PLGRKT: variants seen among roughly 807,000 people sequenced by gnomAD.
PLGRKT encodes plasminogen receptor with a C-terminal lysine.
A neutral mutation model predicts 18.5 loss-of-function variants in PLGRKT; 22 were observed. That is an observed-to-expected ratio of 1.19 (90% CI 0.85 to 1.70). The LOEUF (loss-of-function observed/expected upper bound fraction) is 1.70, where lower values mean the gene tolerates loss of function less well. Among genes scored for constraint, PLGRKT ranks in the 40% most tolerant of loss-of-function variants. The pLI, the probability that PLGRKT is intolerant of heterozygous loss-of-function variation, is 0.00. For missense variants in PLGRKT, 235 were observed against 174.4 expected (o/e 1.35, Z -1.96); for synonymous variants, 72 against 52.8 (o/e 1.36, Z -1.58).
Position 5,361,668 on chromosome 9 carries a change from G to A in PLGRKT, c.212+90C>T. 2.3e-6 allele frequency: 3 copies of A among 1,286,474 alleles called. No homozygotes were observed. The South Asian group carries it at 4.2e-5, about 18-fold the overall frequency. 79.7% of individuals were successfully genotyped at this position (1,286,474 alleles called of 1,614,324 possible). A position where few individuals can be genotyped will look rare whatever the true frequency, so the allele number is the denominator to read the frequency against. ...GGTTACATACACTATTTGGACCAAAGTCTTATTCTGGCCAACTTCATAATA... is the reference window on the plus strand; with the variant it reads ...GGTTACATACACTATTTGGACCAAAATCTTATTCTGGCCAACTTCATAATA... On this transcript the variant is annotated intron_variant, in intron 4 of 5. Transcript: ENST00000223864.
chr9:5,367,507 T>TA (rs1236109721), intron 3 of PLGRKT, among the ~76,000 whole-genome samples: 1 of 152,176 alleles, frequency 6.6e-6, no homozygotes, highest in Non-Finnish European at 1.5e-5. Flanking sequence ...CCCTATTTAA[T>TA]AAATGGTGCT....
At chr9:5,391,834 A>G (rs1034030011) in intron 3 of PLGRKT, among the ~76,000 whole-genome samples, 1 of 151,860 alleles carries the variant, frequency 6.6e-6, no homozygotes, top group Non-Finnish European at 1.5e-5. Context: ...GAATTAGGGG[A>G]AGGAATGTTG....
intron 3 of PLGRKT, among the ~76,000 whole-genome samples, chr9:5,429,378 T>C (rs2131173817): frequency 6.6e-6 from 1 of 152,286 alleles, no homozygotes; most frequent in East Asian, 1.9e-4. Context: ...CCTGTATTAG[T>C]TTGCTGGGGC....
intron 3 of PLGRKT, among the ~76,000 whole-genome samples, chr9:5,405,499 A>G (rs1818238676): frequency 6.6e-6 from 1 of 152,258 alleles, no homozygotes; most frequent in South Asian, 2.1e-4. Context: ...GACAAAAACA[A>G]GCAATGGGGA....
intron 3 of PLGRKT, among the ~76,000 whole-genome samples, chr9:5,385,625 G>A (rs1817828385): frequency 6.6e-6 from 1 of 151,746 alleles, no homozygotes; most frequent in Non-Finnish European, 1.5e-5. Flanking sequence ...GTGTTTTGGA[G>A]AAAGTAAGGA....
At chr9:5,361,400 G>A (rs1817261826) in intron 4 of PLGRKT, among the ~76,000 whole-genome samples, 1 of 152,136 alleles carries the variant, frequency 6.6e-6, no homozygotes, top group African/African-American at 2.4e-5. Flanking sequence ...TCTGTGACTT[G>A]CTCATCTTTA....
chr9:5,366,114 A>G (rs1031920176), intron 3 of PLGRKT, among the ~76,000 whole-genome samples: 2 of 152,184 alleles, frequency 1.3e-5, no homozygotes, highest in African/African-American at 4.8e-5. Flanking sequence ...TCATAGGTCT[A>G]TATCTGCACA....
At chr9:5,431,249 A>G (rs184944685) in intron 3 of PLGRKT, among the ~76,000 whole-genome samples, 1 of 152,156 alleles carries the variant, frequency 6.6e-6, no homozygotes, top group East Asian at 1.9e-4. Flanking sequence ...TCTTATAAAG[A>G]CCCTTGTGGG....
intron 3 of PLGRKT, among the ~76,000 whole-genome samples, chr9:5,365,761 A>T (rs968840): frequency 0.74 from 113,313 of 152,122 alleles, 43,135 homozygotes; most frequent in African/African-American, 0.91. Flanking sequence ...CAGGGCACAA[A>T]GAATGTAGGG....
intron 2 of PLGRKT, among the ~76,000 whole-genome samples, chr9:5,435,913 T>G (rs757623284): frequency 5.3e-4 from 80 of 152,342 alleles, no homozygotes; most frequent in Non-Finnish European, 9.4e-4. Flanking sequence ...CAAGCAAGAC[T>G]TCAGTGACTT....
chr9:5,389,318 T>C (rs769942938), intron 3 of PLGRKT, among the ~76,000 whole-genome samples: 10 of 151,922 alleles, frequency 6.6e-5, no homozygotes, highest in Non-Finnish European at 1.5e-4. Flanking sequence ...GTGCCTGGCA[T>C]GATTACAGAA....
In PLGRKT at chr9:5,418,976, T is replaced by A; in HGVS notation, c.81+12921A>T. On this transcript the variant is annotated intron_variant, in intron 3 of 5. Transcript: ENST00000223864. This position sits in a 1 kb window ranked among gnomAD's most constrained non-coding sequence, Gnocchi z 4.2. ...GCAGAGTCCTGGGACAGCGTCTCCA[T>A]GGTGGACCCTGAGCAGGAAGGGCAA... 1.5e-6 allele frequency: 1 copy of A among 667,992 alleles called. No individual in the cohort carries two copies. The highest frequency in any genetic ancestry group is 2.5e-6 in the Non-Finnish European group (1 of 402,884). The allele number at this position is 667,992 out of a possible 1,614,324, so 41.4% of individuals were successfully genotyped here.
intron 3 of PLGRKT, among the ~76,000 whole-genome samples, chr9:5,426,150 G>A (rs1387634334): frequency 6.6e-6 from 1 of 152,132 alleles, no homozygotes; most frequent in African/African-American, 2.4e-5. Context: ...GGGACATGAG[G>A]TCAATTCCAG....
At chr9:5,367,022 CACACACAT>C (rs768330677) in intron 3 of PLGRKT, among the ~76,000 whole-genome samples, 3,629 of 67,158 alleles carry the variant, frequency 0.054, 70 homozygotes, top group Non-Finnish European at 0.064. Flanking sequence ...CAGACAGATA[CACACACAT>C]ACACACACAC....
intron 3 of PLGRKT, among the ~76,000 whole-genome samples, chr9:5,365,524 C>T (rs1202945004): frequency 6.6e-6 from 1 of 152,088 alleles, no homozygotes; most frequent in Non-Finnish European, 1.5e-5. Flanking sequence ...TGCTTAGTTA[C>T]TTGCTCCCAA....
intron 3 of PLGRKT, among the ~76,000 whole-genome samples, chr9:5,363,946 A>G (rs1379205103): frequency 6.6e-6 from 1 of 152,216 alleles, no homozygotes; most frequent in African/African-American, 2.4e-5. Flanking sequence ...AGTGTGTGAA[A>G]TTCATCCTTG....
At chr9:5,413,469 G>C (rs1163435076) in intron 3 of PLGRKT, among the ~76,000 whole-genome samples, 1 of 152,162 alleles carries the variant, frequency 6.6e-6, no homozygotes, top group East Asian at 1.9e-4. Context: ...TCCAGGCCCA[G>C]TGTAATCACA....
At chr9:5,409,222 C>A (rs1425809346) in intron 3 of PLGRKT, among the ~76,000 whole-genome samples, 1 of 152,152 alleles carries the variant, frequency 6.6e-6, no homozygotes, top group Non-Finnish European at 1.5e-5. Context: ...CTGGGTATAT[C>A]TGTGAGGGTG....
Position 5,358,005 on chromosome 9 carries a change from C to G in PLGRKT, c.*234G>C. 1 of 325,838 alleles carries G rather than the reference C, an allele frequency of 3.1e-6. No homozygotes were observed. Among genetic ancestry groups the G allele is most frequent in the South Asian group, 7.4e-5 (1 of 13,596 alleles). The allele number at this position is 325,838 out of a possible 1,614,324, so 20.2% of individuals were successfully genotyped here. ...TTCAAAACAATTTATTAATTTTACA[C>G]TTAGATATTGGTAATGCACACAGAG... is the stretch of plus-strand genomic sequence containing the variant. On this transcript the variant is annotated 3_prime_UTR_variant, in exon 6 of 6. Transcript: ENST00000223864.
Sources: gnomAD v4.1 joint callset for allele counts (sites outside exome capture counted in the v4.1 genomes callset) on GRCh38, gnomAD v4.1.1 for gene constraint, Gnocchi (gnomAD v3.1) non-coding constraint, MANE v1.5 for transcripts, NCBI Gene and HGNC (gene_info 2026-07-23, HGNC 2026-07-21) for gene names.